GYPC: variants seen among roughly 807,000 people sequenced by gnomAD.
The protein encoded by GYPC is glycophorin-C.
GYPC carries 14 observed loss-of-function variants against 12.6 expected under a neutral mutation model. That is an observed-to-expected ratio of 1.11 (90% confidence interval 0.74 to 1.74). The LOEUF (loss-of-function observed/expected upper bound fraction) is 1.74, where lower values mean the gene tolerates loss of function less well. GYPC is among the 40% of genes most tolerant of loss of function. The pLI is 0.00. For missense variants in GYPC, 225 were observed against 172.1 expected (o/e 1.31, Z -1.72); for synonymous variants, 78 against 62.1 (o/e 1.26, Z -1.20).
chr2:126,695,542 G>A (rs931857476), intron 3 of GYPC, among the ~76,000 whole-genome samples: 4 of 152,168 alleles, frequency 2.6e-5, no homozygotes, highest in Admixed American at 6.5e-5. Context: ...TTGGAATGGC[G>A]TGAATGCAAA....
intron 1 of GYPC, among the ~76,000 whole-genome samples, chr2:126,684,986 C>A (rs2104798495): frequency 6.6e-6 from 1 of 152,248 alleles, no homozygotes; most frequent in South Asian, 2.1e-4. Context: ...ACTGCTTAGC[C>A]AACACTGGCT....
chr2:126,662,055 C>T (rs1290739105), intron 1 of GYPC, among the ~76,000 whole-genome samples: 1 of 152,232 alleles, frequency 6.6e-6, no homozygotes, highest in Non-Finnish European at 1.5e-5. Flanking sequence ...TTACGAGGGG[C>T]TCAGGCACAG....
In GYPC at chr2:126,663,124, G is replaced by A. The variant is rs550552200; in HGVS notation, c.49+6812G>A. On this transcript the variant is annotated intron_variant, in intron 1 of 3. Coordinates refer to ENST00000259254, the MANE Select transcript of GYPC (RefSeq NM_002101.5). ...ATGATCTTGGCTCACTGCAACCTCC[G>A]ACTCCCTGGTTCAAGCAATTCTCCT... Among the ~76,000 whole-genome samples, 13 of 152,242 alleles carry A rather than the reference G, an allele frequency of 8.5e-5. No homozygotes were observed. In the South Asian group the frequency reaches 2.1e-3, roughly 24 times the overall value.
At chr2:126,670,856 A>G (rs1682832464) in intron 1 of GYPC, among the ~76,000 whole-genome samples, 1 of 152,270 alleles carries the variant, frequency 6.6e-6, no homozygotes, top group African/African-American at 2.4e-5. Context: ...AGCACCTATC[A>G]TTTACGGAGT....
Position 126,670,265 on chromosome 2 carries a change from C to T in GYPC, c.49+13953C>T, listed in dbSNP as rs755795325. On this transcript the variant is annotated intron_variant, in intron 1 of 3. Coordinates refer to ENST00000259254, the MANE Select transcript of GYPC (RefSeq NM_002101.5). ...CTTAAGTTTAGCCAGGACTCACTTG[C>T]TGGGGCCCTTCTGGGACACCCCGAT... 3.8e-4 allele frequency among the ~76,000 whole-genome samples: 58 copies of T among 152,340 alleles called. 1 individual carries two copies. The highest frequency in any genetic ancestry group is 6.8e-3 in the Middle Eastern group (2 of 294).
At chr2:126,674,783 A>G (rs1682949692) in intron 1 of GYPC, among the ~76,000 whole-genome samples, 1 of 152,108 alleles carries the variant, frequency 6.6e-6, no homozygotes, top group Admixed American at 6.5e-5. Flanking sequence ...ACCCCTCCGA[A>G]TCCCACCCCT....
At chr2:126,676,718 G>T (rs1397226803) in intron 1 of GYPC, among the ~76,000 whole-genome samples, 1 of 152,140 alleles carries the variant, frequency 6.6e-6, no homozygotes, top group Non-Finnish European at 1.5e-5. Context: ...TATTTTAGAG[G>T]ATTTTCATTG....
At chr2:126,664,673 C>T (rs1682630053) in intron 1 of GYPC, among the ~76,000 whole-genome samples, 1 of 152,228 alleles carries the variant, frequency 6.6e-6, no homozygotes, top group African/African-American at 2.4e-5. Context: ...AGCACCTTGG[C>T]CCATGGAAGT....
At chr2:126,686,737 G>A (rs768425029) in intron 1 of GYPC, 2 of 974,994 alleles carry the variant, frequency 2.1e-6, no homozygotes, top group African/African-American at 3.5e-5. Context: ...CCAAAAAATA[G>A]GTCCTCTCAT....
At chr2:126,683,092 C>T (rs1466281201) in intron 1 of GYPC, among the ~76,000 whole-genome samples, 2 of 152,108 alleles carry the variant, frequency 1.3e-5, no homozygotes, top group African/African-American at 4.8e-5. Flanking sequence ...CCAAGGCGGG[C>T]GGATCATGTG....
At chr2:126,677,295 T>G (rs575118661) in intron 1 of GYPC, among the ~76,000 whole-genome samples, 80 of 147,712 alleles carry the variant, frequency 5.4e-4, no homozygotes, top group Admixed American at 4.7e-4. Flanking sequence ...GTGAGTGTGT[T>G]AGAGTGTGTG....
At chr2:126,687,834 G>T (rs1029590061) in intron 1 of GYPC, among the ~76,000 whole-genome samples, 44 of 152,102 alleles carry the variant, frequency 2.9e-4, no homozygotes, top group Admixed American at 2.5e-3. Context: ...ATACAGATTT[G>T]AGTACAAGGT....
At chr2:126,695,795 C>T (rs913659154) in intron 3 of GYPC, 151 bp from the exon 4 acceptor site, 1 of 716,498 alleles carries the variant, frequency 1.4e-6, no homozygotes, top group Non-Finnish European at 2.5e-6. Flanking sequence ...TATGGGCTTA[C>T]AGGAACCTGG....
intron 3 of GYPC, among the ~76,000 whole-genome samples, chr2:126,695,568 C>T (rs1050100313): frequency 6.6e-6 from 1 of 152,114 alleles, no homozygotes; most frequent in South Asian, 2.1e-4. Flanking sequence ...TCAGTAGAAA[C>T]GGTACTTTGA....
chr2:126,693,228 G>A (rs2019405), intron 2 of GYPC, among the ~76,000 whole-genome samples: 6,617 of 87,314 alleles, frequency 0.076, no homozygotes, highest in African/African-American at 0.11. Flanking sequence ...AGTCACTGGA[G>A]AGCAGGTTGT....
rs1437438108 is a variant in GYPC, at chr2:126,696,037, T to C, written c.282T>C (p.Asn94=). The C allele has an allele frequency of 6.2e-7, 1 of 1,614,098 alleles. No individual in the cohort carries two copies. Among genetic ancestry groups the C allele is most frequent in the South Asian group, 1.1e-5 (1 of 91,082 alleles). Residue 94 remains asparagine, a synonymous_variant, in exon 4 of 4, where the codon AAT becomes AAC. Transcript: ENST00000259254. ...MYRHKGTYHT[N]EAKGTEFAES... ...GGCACAAGGGCACGTACCACACCAA[T>C]GAGGCCAAGGGCACGGAGTTTGCTG...
rs1473956045 is a variant in GYPC, at chr2:126,691,162, A to C, written c.106+851A>C. 2.6e-5 allele frequency among the ~76,000 whole-genome samples: 4 copies of C among 152,198 alleles called. No homozygotes were observed. The East Asian group carries it at 7.7e-4, about 29-fold the overall frequency. On this transcript the variant is annotated intron_variant, in intron 2 of 3. Transcript: ENST00000259254. ...ACTTGGGAGCAGTTTCAGACTTTCCATATTCTTCAGCAGTCCCTCCCCAAG... is the reference window on the plus strand; with the variant it reads ...ACTTGGGAGCAGTTTCAGACTTTCCCTATTCTTCAGCAGTCCCTCCCCAAG...
intron 1 of GYPC, among the ~76,000 whole-genome samples, chr2:126,660,754 G>T (rs1269190170): frequency 2.6e-5 from 4 of 152,118 alleles, no homozygotes; most frequent in Admixed American, 1.3e-4. Flanking sequence ...AGGAGCTCCT[G>T]GTCCAGAACT....
rs182859492 is a variant in GYPC, at chr2:126,672,865, A to G, written c.49+16553A>G. Among the ~76,000 whole-genome samples, 13 of 152,266 alleles carry G rather than the reference A, an allele frequency of 8.5e-5. No homozygotes were observed. The East Asian group carries it at 2.5e-3, about 29-fold the overall frequency. On this transcript the variant is annotated intron_variant, in intron 1 of 3. Transcript: ENST00000259254. ...CCCTGGCACAATGAAAGCACAGCCC[A>G]TATACATAGCCTCCTTCTCCTCTCT...
Sources: allele counts gnomAD v4.1 joint callset (sites outside exome capture counted in the v4.1 genomes callset), GRCh38; gene constraint gnomAD v4.1.1; transcripts MANE v1.5; gene names NCBI Gene and HGNC (gene_info 2026-07-23, HGNC 2026-07-21).